PTPRT: variants seen among roughly 807,000 people sequenced by gnomAD.
The protein encoded by PTPRT is protein tyrosine phosphatase receptor type T, also known as receptor-type tyrosine-protein phosphatase T.
A neutral mutation model predicts 176.8 loss-of-function variants in PTPRT; 56 were observed. That is an observed-to-expected ratio of 0.32 (90% CI 0.26 to 0.40). PTPRT has a LOEUF of 0.40. Ranked by LOEUF, PTPRT falls within the 10% of genes least tolerant of loss-of-function variation. PTPRT has a pLI of 1.00. For synonymous variants in PTPRT, 783 were observed against 739.0 expected, an observed-to-expected ratio of 1.06 and a Z score of -0.96; for missense variants, 1,540 against 1,908.2, an observed-to-expected ratio of 0.81 and a Z score of 3.60.
At chr20:43,173,117 G>A (rs534178490) in intron 1 of PTPRT, among the ~76,000 whole-genome samples, 24 of 152,116 alleles carry the variant, frequency 1.6e-4, no homozygotes, top group Middle Eastern at 3.4e-3. Flanking sequence ...CAGGTGATCC[G>A]CCGGAGAGCC....
chr20:42,032,605 T>G, the PTPRT span, among the ~76,000 whole-genome samples: 1 of 152,190 alleles, frequency 6.6e-6, no homozygotes. Context: ...AGCCTCCTAG[T>G]AGGTACACCT....
intron 7 of PTPRT, among the ~76,000 whole-genome samples, chr20:42,550,969 C>T (rs1004689472): frequency 4.6e-5 from 7 of 152,082 alleles, no homozygotes; most frequent in African/African-American, 1.4e-4. Context: ...GAATTGGACT[C>T]GATTCTCCCC....
intron 21 of PTPRT, chr20:42,116,200 A>G: frequency 3.0e-6 from 2 of 676,908 alleles, no homozygotes; most frequent in Non-Finnish European, 5.4e-6. Flanking sequence ...TTAAATAGGC[A>G]GCTTTGCTAC....
Position 43,189,795 on chromosome 20 carries a change from C to T in PTPRT, c.-62G>A. 1 of 942,412 alleles carries T rather than the reference C, an allele frequency of 1.1e-6. No individual in the cohort carries two copies. The highest frequency in any genetic ancestry group is 1.3e-6 in the Non-Finnish European group (1 of 776,778). The allele number at this position is 942,412 out of a possible 1,614,324, so 58.4% of individuals were successfully genotyped here. On this transcript the variant is annotated 5_prime_UTR_variant, in exon 1 of 31. Transcript: ENST00000373187. The surrounding 1 kb of genome is among the most constrained non-coding windows in gnomAD (Gnocchi z 5.0). Reference sequence around the variant, plus strand: ...GGGCCGGGGCCGGGACTGGGGCGGGCGCGGGGTGGCCCCGCATCGCCGGCG... The same window carrying T: ...GGGCCGGGGCCGGGACTGGGGCGGGTGCGGGGTGGCCCCGCATCGCCGGCG...
intron 28 of PTPRT, among the ~76,000 whole-genome samples, chr20:42,085,389 G>A (rs1050067484): frequency 2.0e-5 from 3 of 152,188 alleles, no homozygotes; most frequent in Non-Finnish European, 4.4e-5. Flanking sequence ...GCAGTGCCTG[G>A]CCCAAAGCTT....
chr20:42,565,466 G>A (rs758206928), intron 7 of PTPRT, among the ~76,000 whole-genome samples: 4 of 152,090 alleles, frequency 2.6e-5, no homozygotes, highest in Admixed American at 1.3e-4. Flanking sequence ...TTTTTCTCAT[G>A]CCCAGCTGTG....
At chr20:42,711,931 C>G (rs2076150436) in intron 6 of PTPRT, among the ~76,000 whole-genome samples, 1 of 151,966 alleles carries the variant, frequency 6.6e-6, no homozygotes, top group South Asian at 2.1e-4. Flanking sequence ...TTCAGGTGGC[C>G]TGACTCCACA....
In PTPRT at chr20:42,684,332, G is replaced by A. The variant is rs562236127; in HGVS notation, c.860-6173C>T. On this transcript the variant is annotated intron_variant, in intron 6 of 30. Coordinates refer to ENST00000373187, the MANE Select transcript of PTPRT (RefSeq NM_007050.6). ...TGCACTCCAACCTGGGCAACACAGC[G>A]AGACTCTGTCTCAAAAAAAAAAAAA... Among the ~76,000 whole-genome samples, 85 of 151,614 alleles carry A rather than the reference G, an allele frequency of 5.6e-4. 1 individual carries two copies. Among genetic ancestry groups the A allele is most frequent in the African/African-American group, 1.8e-3 (76 of 41,340 alleles).
intron 11 of PTPRT, among the ~76,000 whole-genome samples, chr20:42,344,711 C>T (rs1047511081): frequency 2.0e-5 from 3 of 152,134 alleles, no homozygotes; most frequent in African/African-American, 4.8e-5. Flanking sequence ...GAAGGACAAA[C>T]AGTTGGGCAC....
intron 2 of PTPRT, among the ~76,000 whole-genome samples, chr20:42,808,472 G>A (rs2077646175): frequency 6.6e-6 from 1 of 152,144 alleles, no homozygotes; most frequent in African/African-American, 2.4e-5. Context: ...TGACAGCACA[G>A]AGGCATTTGG....
At chr20:43,093,760 CCTGTCCCACT>C (rs2011986164) in intron 1 of PTPRT, among the ~76,000 whole-genome samples, 1 of 152,162 alleles carries the variant, frequency 6.6e-6, no homozygotes, top group Admixed American at 6.5e-5. Context: ...TGATCTGGCC[CCTGTCCCACT>C]CTTCCCTTGA....
chr20:42,475,210 GATGA>G (rs1215955817), intron 7 of PTPRT, among the ~76,000 whole-genome samples: 1 of 152,150 alleles, frequency 6.6e-6, no homozygotes, highest in African/African-American at 2.4e-5. Flanking sequence ...CCACATTACA[GATGA>G]ATAACCTGAG....
At chr20:42,118,238 A>C (rs1987396868) in intron 21 of PTPRT, among the ~76,000 whole-genome samples, 165 bp downstream of exon 21, 1 of 152,242 alleles carries the variant, frequency 6.6e-6, no homozygotes, top group Non-Finnish European at 1.5e-5. Flanking sequence ...TTGAAGGGAA[A>C]GGACATTGCT....
chr20:43,045,434 TTTTTTC>T (rs1381061590), intron 1 of PTPRT, among the ~76,000 whole-genome samples: 4 of 150,480 alleles, frequency 2.7e-5, no homozygotes, highest in African/African-American at 7.4e-5. Context: ...AAACTCTAAC[TTTTTTC>T]TTTTTCTTTT....
chr20:42,854,188 A>T (rs2078523784), intron 2 of PTPRT, among the ~76,000 whole-genome samples: 1 of 152,026 alleles, frequency 6.6e-6, no homozygotes, highest in African/African-American at 2.4e-5. Context: ...TTCCATACGT[A>T]CCCATTTGTT....
At chr20:42,188,131 C>T (rs1379259888) in intron 16 of PTPRT, among the ~76,000 whole-genome samples, 2 of 152,224 alleles carry the variant, frequency 1.3e-5, no homozygotes, top group Admixed American at 1.3e-4. Context: ...AAATGTCCCC[C>T]TCTTCTGCTT....
intron 7 of PTPRT, among the ~76,000 whole-genome samples, chr20:42,672,398 G>A (rs145034512): frequency 6.6e-6 from 1 of 152,252 alleles, no homozygotes; most frequent in Non-Finnish European, 1.5e-5. Context: ...TCCACAGTTT[G>A]TAGACAGCCT....
At chr20:42,944,228 C>T (rs1373489441) in intron 1 of PTPRT, among the ~76,000 whole-genome samples, 1 of 151,956 alleles carries the variant, frequency 6.6e-6, no homozygotes. Flanking sequence ...GATTTTAGAG[C>T]CGGGGGGCGG....
intron 3 of PTPRT, among the ~76,000 whole-genome samples, chr20:42,788,547 A>T (rs1448399521): frequency 2.0e-5 from 3 of 152,200 alleles, no homozygotes; most frequent in Non-Finnish European, 4.4e-5. Context: ...AAGGCTACTT[A>T]GGTCCATCTC....
Sources: gnomAD v4.1 joint callset for allele counts (sites outside exome capture counted in the v4.1 genomes callset) on GRCh38, gnomAD v4.1.1 for gene constraint, Gnocchi (gnomAD v3.1) non-coding constraint, MANE v1.5 for transcripts, NCBI Gene and HGNC (gene_info 2026-07-23, HGNC 2026-07-21) for gene names.